The following ATRNL1 variants were observed in gnomAD, a reference collection of about 807,000 sequenced individuals.
ATRNL1 encodes attractin-like protein 1.
Under a neutral mutation model 182.7 loss-of-function variants are expected in ATRNL1, and 95 were observed. The ratio of observed to expected loss-of-function variants is 0.52; its 90% confidence interval spans 0.44 to 0.62. ATRNL1 has a LOEUF of 0.62. ATRNL1 is among the 20% of genes least tolerant of loss of function. The pLI is 0.00. For synonymous variants in ATRNL1, 576 were observed against 568.3 expected (o/e 1.01, Z -0.19); for missense variants, 1,471 against 1,679.5 (o/e 0.88, Z 2.17).
intron 27 of ATRNL1, among the ~76,000 whole-genome samples, chr10:115,829,548 A>G (rs1031226381): frequency 1.3e-5 from 2 of 151,622 alleles, no homozygotes; most frequent in East Asian, 3.9e-4. Flanking sequence ...CTTATCTGCA[A>G]TGCGAGCTGA....
chr10:115,322,829 A>G (rs879947471), intron 18 of ATRNL1, among the ~76,000 whole-genome samples: 3 of 152,058 alleles, frequency 2.0e-5, no homozygotes, highest in Non-Finnish European at 4.4e-5. Context: ...GGCCTCTATT[A>G]TTTCTGATTT....
intron 27 of ATRNL1, among the ~76,000 whole-genome samples, chr10:115,809,371 A>G (rs1250339389): frequency 6.6e-6 from 1 of 152,102 alleles, no homozygotes; most frequent in Non-Finnish European, 1.5e-5. Context: ...AAATCAGATT[A>G]TGAATGAGAT....
At chr10:115,873,781 A>G (rs797033280) in intron 28 of ATRNL1, among the ~76,000 whole-genome samples, 69 of 152,366 alleles carry the variant, frequency 4.5e-4, no homozygotes, top group African/African-American at 1.6e-3. Flanking sequence ...AAGACCAATG[A>G]GACTGAGACA....
chr10:115,683,850 T>G (rs1201887448), intron 26 of ATRNL1, among the ~76,000 whole-genome samples: 1 of 151,828 alleles, frequency 6.6e-6, no homozygotes, highest in African/African-American at 2.4e-5. Flanking sequence ...AGCTATTTTT[T>G]AAGATTTAGC....
At chr10:115,545,551 A>G (rs1852603532) in intron 25 of ATRNL1, among the ~76,000 whole-genome samples, 1 of 152,182 alleles carries the variant, frequency 6.6e-6, no homozygotes, top group South Asian at 2.1e-4. Context: ...TTGTCCTTAT[A>G]CATCATTACA....
At chr10:115,658,702 C>T (rs1280735426) in intron 26 of ATRNL1, among the ~76,000 whole-genome samples, 1 of 152,084 alleles carries the variant, frequency 6.6e-6, no homozygotes, top group African/African-American at 2.4e-5. Flanking sequence ...TCTGCCTCTT[C>T]CCTGTAGAGT....
chr10:115,572,832 C>A (rs1555003872), intron 26 of ATRNL1, among the ~76,000 whole-genome samples: 1 of 152,156 alleles, frequency 6.6e-6, no homozygotes, highest in African/African-American at 2.4e-5. Flanking sequence ...ATTCCCCTTG[C>A]AGGACATATG....
At chr10:115,485,932 G>A (rs981296059) in intron 24 of ATRNL1, among the ~76,000 whole-genome samples, 46 of 81,466 alleles carry the variant, frequency 5.6e-4, no homozygotes, top group South Asian at 3.9e-4. Flanking sequence ...TGTGATCCCC[G>A]CCCCCACTCC....
At chr10:115,347,571 G>A (rs960330348) in intron 19 of ATRNL1, among the ~76,000 whole-genome samples, 18 of 151,976 alleles carry the variant, frequency 1.2e-4, no homozygotes, top group African/African-American at 3.6e-4. Flanking sequence ...AGTGCATGCC[G>A]ATATTAAGGG....
In ATRNL1 at chr10:115,687,531, TTGGACA is replaced by T. The variant is rs1283544990; in HGVS notation, c.3796-39707_3796-39702del. On this transcript the variant is annotated intron_variant, in intron 26 of 28. Transcript: ENST00000355044. Reference sequence around the variant, plus strand: ...CGTTCAAATTTAATGGACATTTAGGTTGGACATGGACATGGTTGTTAGTATTGTAAG... The same window carrying T: ...CGTTCAAATTTAATGGACATTTAGGTTGGACATGGTTGTTAGTATTGTAAG... Among the ~76,000 whole-genome samples, 3 of 152,070 alleles carry T rather than the reference TTGGACA, an allele frequency of 2.0e-5. No individual in the cohort carries two copies. The East Asian group carries it at 5.8e-4, about 29-fold the overall frequency.
chr10:115,212,302 C>CT (rs57431916), intron 8 of ATRNL1, among the ~76,000 whole-genome samples: 9,692 of 144,538 alleles, frequency 0.067, 1,039 homozygotes, highest in African/African-American at 0.23. Flanking sequence ...TTTTTTTTAA[C>CT]TTTTTTTTTT....
chr10:115,634,520 A>G (rs1858735150), intron 26 of ATRNL1, among the ~76,000 whole-genome samples: 1 of 152,146 alleles, frequency 6.6e-6, no homozygotes, highest in African/African-American at 2.4e-5. Context: ...AATTCATATA[A>G]TTTAATAGTC....
At chr10:115,330,926 T>C (rs1274764847) in intron 18 of ATRNL1, among the ~76,000 whole-genome samples, 1 of 152,132 alleles carries the variant, frequency 6.6e-6, no homozygotes, top group African/African-American at 2.4e-5. Flanking sequence ...ATTTGCTCTT[T>C]TGACACTGTT....
intron 5 of ATRNL1, among the ~76,000 whole-genome samples, chr10:115,133,957 T>C (rs1845385004): frequency 6.6e-6 from 1 of 151,958 alleles, no homozygotes; most frequent in Non-Finnish European, 1.5e-5. Flanking sequence ...ACTGGGTACA[T>C]AACGAAATGA....
At chr10:115,227,150 G>C (rs1188114971) in intron 9 of ATRNL1, among the ~76,000 whole-genome samples, 1 of 152,074 alleles carries the variant, frequency 6.6e-6, no homozygotes, top group African/African-American at 2.4e-5. Flanking sequence ...TACAAAATGG[G>C]AGAAGATATT....
intron 28 of ATRNL1, among the ~76,000 whole-genome samples, chr10:115,893,929 A>C (rs7899322): frequency 0.082 from 12,481 of 152,130 alleles, 1,535 homozygotes; most frequent in African/African-American, 0.27. Context: ...GACAAAATTC[A>C]AAAGACCATC....
At chr10:115,410,328 C>CT (rs531844397) in intron 20 of ATRNL1, among the ~76,000 whole-genome samples, 5,341 of 142,748 alleles carry the variant, frequency 0.037, 173 homozygotes, top group African/African-American at 0.083. Context: ...AAAATTGCTA[C>CT]TTTTTTTTTT....
At chr10:115,521,317 T>A (rs1232505630) in intron 25 of ATRNL1, among the ~76,000 whole-genome samples, 1 of 152,104 alleles carries the variant, frequency 6.6e-6, no homozygotes, top group Admixed American at 6.5e-5. Context: ...CACGCCCAGC[T>A]AATTTTTGTA....
chr10:115,766,217 G>T (rs1263188893), intron 27 of ATRNL1, among the ~76,000 whole-genome samples: 1 of 152,154 alleles, frequency 6.6e-6, no homozygotes, highest in East Asian at 1.9e-4. Context: ...AAGTCAAATT[G>T]CTGGTTCAAA....
Sources: allele counts gnomAD v4.1 joint callset (sites outside exome capture counted in the v4.1 genomes callset), GRCh38; gene constraint gnomAD v4.1.1; transcripts MANE v1.5; gene names NCBI Gene and HGNC (gene_info 2026-07-23, HGNC 2026-07-21).